BMPR1B: variants seen among roughly 807,000 people sequenced by gnomAD.
The protein encoded by BMPR1B is bone morphogenetic protein receptor type 1B.
In BMPR1B, 12 loss-of-function variants were observed where a neutral mutation model predicts 59.1. The observed-to-expected ratio is 0.20, with a 90% CI of 0.13 to 0.33. BMPR1B has a LOEUF of 0.33. Among genes scored for constraint, BMPR1B ranks in the 10% least tolerant of loss-of-function variants. The pLI, the probability that BMPR1B is intolerant of heterozygous loss-of-function variation, is 1.00. For missense variants in BMPR1B, 550 were observed against 610.9 expected, an observed-to-expected ratio of 0.90 and a Z score of 1.05; for synonymous variants, 237 against 207.3, an observed-to-expected ratio of 1.14 and a Z score of -1.23.
intron 2 of BMPR1B, among the ~76,000 whole-genome samples, chr4:94,980,852 G>A (rs191953515): frequency 2.0e-4 from 30 of 152,222 alleles, no homozygotes; most frequent in African/African-American, 6.3e-4. Flanking sequence ...GGTATTAGCC[G>A]GGCGTGGTGG....
At chr4:94,840,897 T>C (rs1249850545) in intron 1 of BMPR1B, among the ~76,000 whole-genome samples, 2 of 147,568 alleles carry the variant, frequency 1.4e-5, no homozygotes, top group East Asian at 3.9e-4. Flanking sequence ...TGTGGTTTTA[T>C]CTCCTTTTGG....
At position 94,862,967 on chromosome 4, in the gene BMPR1B, AT is replaced by A. The variant is rs1272721266; in HGVS notation, c.-182-12861del. 1.9e-4 allele frequency among the ~76,000 whole-genome samples: 24 copies of A among 125,860 alleles called. 1 individual carries two copies. Among genetic ancestry groups the A allele is most frequent in the Middle Eastern group, 3.9e-3 (1 of 256 alleles). The allele number at this position is 125,860 out of a possible 152,430, so 82.6% of individuals were successfully genotyped here. On this transcript the variant is annotated intron_variant, in intron 1 of 12. Transcript: ENST00000515059. Reference sequence around the variant, plus strand: ...CTCAAAAAAAAAAAAAAAAAAAAAAATTTAGCTGGGCATGGTGGTGGGCGCC... The same window carrying A: ...CTCAAAAAAAAAAAAAAAAAAAAAAATTAGCTGGGCATGGTGGTGGGCGCC...
chr4:94,889,448 A>T (rs1467564728), intron 2 of BMPR1B, among the ~76,000 whole-genome samples: 1 of 152,080 alleles, frequency 6.6e-6, no homozygotes, highest in East Asian at 1.9e-4. Flanking sequence ...TTAAGATTGA[A>T]ATTGGGGTTT....
At chr4:95,060,341 G>A (rs1727264509) in intron 3 of BMPR1B, among the ~76,000 whole-genome samples, 1 of 152,078 alleles carries the variant, frequency 6.6e-6, no homozygotes, top group African/African-American at 2.4e-5. Flanking sequence ...TATTTAAAAG[G>A]GATTTTCAGA....
At chr4:95,093,151 T>C (rs560304488) in intron 3 of BMPR1B, among the ~76,000 whole-genome samples, 1 of 152,276 alleles carries the variant, frequency 6.6e-6, no homozygotes, top group South Asian at 2.1e-4. Flanking sequence ...TGGCTTCAGT[T>C]TGATGTTGCA....
intron 3 of BMPR1B, among the ~76,000 whole-genome samples, chr4:95,085,402 A>G (rs1729501168): frequency 1.3e-5 from 2 of 152,206 alleles, no homozygotes; most frequent in African/African-American, 4.8e-5. Context: ...CTGTCCTCTC[A>G]GTGTGTGCAG....
At chr4:95,136,639 G>A (rs1334039517) in intron 10 of BMPR1B, among the ~76,000 whole-genome samples, 1 of 152,142 alleles carries the variant, frequency 6.6e-6, no homozygotes, top group Non-Finnish European at 1.5e-5. Flanking sequence ...TTAGTCTTGG[G>A]AGGGTGTATG....
chr4:95,086,973 A>G (rs1729625402), intron 3 of BMPR1B, among the ~76,000 whole-genome samples: 2 of 151,348 alleles, frequency 1.3e-5, no homozygotes, highest in African/African-American at 4.9e-5. Flanking sequence ...CTTGGAGTAA[A>G]GGCCTTGGTG....
At chr4:94,792,382 A>C (rs993596830) in intron 1 of BMPR1B, among the ~76,000 whole-genome samples, 3 of 152,112 alleles carry the variant, frequency 2.0e-5, no homozygotes, top group African/African-American at 7.2e-5. Context: ...AGATGGCTGC[A>C]GTATTTTTGT....
intron 3 of BMPR1B, among the ~76,000 whole-genome samples, chr4:95,011,533 A>G (rs954972504): frequency 6.6e-6 from 1 of 152,202 alleles, no homozygotes; most frequent in Admixed American, 6.5e-5. Context: ...TCTAGGCAGC[A>G]GGAAAGAAGT....
intron 1 of BMPR1B, among the ~76,000 whole-genome samples, chr4:94,812,558 T>TA (rs1335356449): frequency 6.6e-6 from 1 of 152,192 alleles, no homozygotes; most frequent in Non-Finnish European, 1.5e-5. Flanking sequence ...ACTGGGAAGC[T>TA]ATGCAGGGTT....
chr4:95,051,787 G>A, intron 3 of BMPR1B: 1 of 1,534,696 alleles, frequency 6.5e-7, no homozygotes, highest in Middle Eastern at 1.7e-4. Flanking sequence ...GAAGATCAGT[G>A]CCCTCCACTA....
At chr4:94,884,776 CTT>C (rs968601934) in intron 2 of BMPR1B, among the ~76,000 whole-genome samples, 10 of 152,322 alleles carry the variant, frequency 6.6e-5, no homozygotes, top group African/African-American at 2.4e-4. Context: ...ATCTAACACT[CTT>C]TGCAGTAAGA....
intron 1 of BMPR1B, among the ~76,000 whole-genome samples, chr4:94,835,602 T>G (rs1358039872): frequency 6.6e-6 from 1 of 152,196 alleles, no homozygotes; most frequent in Non-Finnish European, 1.5e-5. Context: ...GTGTGAAAGA[T>G]ACAATAATAT....
rs772559135 is a variant in BMPR1B, at chr4:95,123,857, A to C, written c.397A>C (p.Thr133Pro). 6.2e-7 allele frequency: 1 copy of C among 1,612,184 alleles called. No individual in the cohort carries two copies. The highest frequency in any genetic ancestry group is 1.1e-5 in the South Asian group (1 of 90,996). The change falls in exon 7 of 13, where the codon ACT becomes CCT. Residue 133 changes from threonine to proline, a missense_variant. Coordinates refer to ENST00000515059, the MANE Select transcript of BMPR1B (RefSeq NM_001203.3). ...IHHRALLISVTVCSLLLVLII... is the reference protein window; with the variant it reads ...IHHRALLISVPVCSLLLVLII... ...CCACAGGGCTTTACTTATATCTGTG[A>C]CTGTCTGTAGTTTGCTCTTGGTCCT...
intron 2 of BMPR1B, among the ~76,000 whole-genome samples, chr4:94,937,370 A>G (rs1729350841): frequency 6.6e-6 from 1 of 152,140 alleles, no homozygotes; most frequent in African/African-American, 2.4e-5. Context: ...TATACCCCTT[A>G]AAATGTTTGT....
At chr4:94,881,386 G>A (rs1243551831) in intron 2 of BMPR1B, among the ~76,000 whole-genome samples, 1 of 152,044 alleles carries the variant, frequency 6.6e-6, no homozygotes. Flanking sequence ...TCCTCGGCAA[G>A]TTACTGCATA....
At chr4:94,849,213 G>C (rs1725470966) in intron 1 of BMPR1B, among the ~76,000 whole-genome samples, 2 of 152,182 alleles carry the variant, frequency 1.3e-5, no homozygotes, top group African/African-American at 2.4e-5. Context: ...GAAAAAGCAA[G>C]GTGTAGGGAA....
chr4:94,808,575 C>T lies in BMPR1B; in HGVS notation c.-183+50507C>T, dbSNP rs139504910. ...TATGGTTTTGCTTTAGGCTAGTTGC[C>T]GGAAGTGAATTTTAATGGTTCAAAG... On this transcript the variant is annotated intron_variant, in intron 1 of 12. Transcript: ENST00000515059. 1.7e-4 allele frequency among the ~76,000 whole-genome samples: 26 copies of T among 152,008 alleles called. No individual in the cohort carries two copies. The East Asian group carries it at 2.9e-3, about 17-fold the overall frequency.
Sources: allele counts gnomAD v4.1 joint callset (sites outside exome capture counted in the v4.1 genomes callset), GRCh38; gene constraint gnomAD v4.1.1; transcripts MANE v1.5; gene names NCBI Gene and HGNC (gene_info 2026-07-23, HGNC 2026-07-21).